KRTCAP3: variants seen among roughly 807,000 people sequenced by gnomAD.
KRTCAP3 encodes the protein keratinocyte associated protein 3, also known as keratinocyte-associated protein 3.
A neutral mutation model predicts 20.5 loss-of-function variants in KRTCAP3; 18 were observed. The ratio of observed to expected loss-of-function variants is 0.88; its 90% confidence interval spans 0.61 to 1.31. The LOEUF (loss-of-function observed/expected upper bound fraction) is 1.31. Among genes scored for constraint, KRTCAP3 ranks in the 50% most tolerant of loss-of-function variants. The pLI is 0.00. For missense variants in KRTCAP3, 347 were observed against 310.4 expected, an observed-to-expected ratio of 1.12 and a Z score of -0.89; for synonymous variants, 167 against 133.7, an observed-to-expected ratio of 1.25 and a Z score of -1.72.
chr2:27,443,168 A>G lies in KRTCAP3; in HGVS notation c.368A>G (p.Asn123Ser), dbSNP rs2148459989. 1 of 1,614,062 alleles carries G rather than the reference A, an allele frequency of 6.2e-7. No individual in the cohort carries two copies. Among genetic ancestry groups the G allele is most frequent in the African/African-American group, 1.3e-5 (1 of 75,020 alleles). Residue 123 changes from asparagine (N) to serine (S), a missense_variant, in exon 4 of 7, where the codon AAC (asparagine) becomes AGC (serine). Asn to Ser is a conservative substitution (Grantham distance 46, BLOSUM62 1). Transcript: ENST00000288873. ...CTTGCTGTGTCACTCACTGTGGCCA[A>G]CGGTGGCCGCCGCCTTATTGCTGAC... ...LLLAVSLTVANGGRRLIADCH... is the reference protein window; with the variant it reads ...LLLAVSLTVASGGRRLIADCH...
intron 5 of KRTCAP3, 107 bp downstream of exon 5, chr2:27,443,639 G>A (rs1664760044): frequency 1.6e-6 from 2 of 1,231,046 alleles, no homozygotes; most frequent in South Asian, 1.4e-5. Flanking sequence ...AGCACTTTGG[G>A]AGGCTGAGGC....
chr2:27,443,264 A>AC lies in KRTCAP3; in HGVS notation c.468dup (p.Thr157HisfsTer5). On this transcript the variant is annotated frameshift_variant, in exon 4 of 7. Coordinates refer to ENST00000288873, the MANE Select transcript of KRTCAP3 (RefSeq NM_173853.4). LOFTEE classifies it high-confidence loss of function. Reference sequence around the variant, plus strand: ...CCGGGACATACTGACTGCCCCTTTGACCCCACAAGAATCTATGTGAGCACA... The same window carrying AC: ...CCGGGACATACTGACTGCCCCTTTGACCCCCACAAGAATCTATGTGAGCACA... 1 of 1,613,972 alleles carries AC rather than the reference A, an allele frequency of 6.2e-7. No individual in the cohort carries two copies. The highest frequency in any genetic ancestry group is 8.5e-7 in the Non-Finnish European group (1 of 1,179,954).
downstream of KRTCAP3, chr2:27,446,364 A>G (rs745618994): frequency 1.9e-6 from 3 of 1,613,818 alleles, no homozygotes; most frequent in Non-Finnish European, 2.5e-6. Context: ...TCCTGGGATT[A>G]AAGTCAAAGC....
downstream of KRTCAP3, chr2:27,444,610 C>T (rs1664863371): frequency 2.1e-6 from 2 of 964,182 alleles, no homozygotes; most frequent in Non-Finnish European, 3.2e-6. Context: ...TCTGCATCTG[C>T]CTTCCTGTAA....
downstream of KRTCAP3, chr2:27,444,370 G>C: frequency 3.9e-6 from 4 of 1,017,814 alleles, no homozygotes; most frequent in Non-Finnish European, 6.1e-6. Context: ...GAATACAGTG[G>C]TCTCAATTAT....
chr2:27,446,283 A>C (rs764818890), downstream of KRTCAP3: 7 of 1,614,210 alleles, frequency 4.3e-6, no homozygotes, highest in South Asian at 7.7e-5. Context: ...CCTGCTTCAT[A>C]GAAGGCTTTG....
downstream of KRTCAP3, chr2:27,446,380 G>C: frequency 6.2e-7 from 1 of 1,605,442 alleles, no homozygotes; most frequent in Non-Finnish European, 8.5e-7. Flanking sequence ...AAAGCATTAT[G>C]AATATGGCAC....
chr2:27,442,598 G>A lies in KRTCAP3; in HGVS notation c.48G>A (p.Arg16=), dbSNP rs1161966353. The part of the protein sequence containing the change: ...LCAFDAARGP[R]RLMRVGLALI... ...TTGCAGACGCCGCCCGGGGGCCCAG[G>A]CGGCTGATGCGTGTGGGCCTCGCGC... Residue 16 remains arginine, a synonymous_variant, in exon 2 of 7, where the codon AGG becomes AGA. Coordinates refer to ENST00000288873, the MANE Select transcript of KRTCAP3 (RefSeq NM_173853.4). The A allele has an allele frequency of 2.6e-6, 4 of 1,541,672 alleles. No homozygotes were observed. The highest frequency in any genetic ancestry group is 1.7e-4 in the Middle Eastern group (1 of 5,766).
downstream of KRTCAP3, chr2:27,444,873 T>A: frequency 1.2e-6 from 1 of 867,046 alleles, no homozygotes; most frequent in Non-Finnish European, 1.7e-6. Flanking sequence ...GGTCTCAAAC[T>A]CCTGACCTCA....
chr2:27,446,130 C>G, downstream of KRTCAP3: 1 of 1,323,888 alleles, frequency 7.6e-7, no homozygotes, highest in South Asian at 1.2e-5. Flanking sequence ...TCCAGGAAGA[C>G]ATAGGAGGAC....
downstream of KRTCAP3, chr2:27,445,791 G>T (rs762958757): frequency 1.2e-6 from 2 of 1,614,160 alleles, no homozygotes; most frequent in South Asian, 2.2e-5. The surrounding 1 kb of genome is among the most constrained non-coding windows in gnomAD (Gnocchi z 4.4). Context: ...GGGAATGTCT[G>T]TATCCTGAAA....
chr2:27,444,317 G>A (rs62131871), downstream of KRTCAP3: 41,950 of 684,038 alleles, frequency 0.061, 1,897 homozygotes, highest in African/African-American at 0.19. Flanking sequence ...GATTCCTTTT[G>A]GGGAAAAGGC....
chr2:27,444,270 GT>G lies in KRTCAP3; in HGVS notation c.*91del. ...TGACCTCGGGATGAGATAACAAATT[GT>G]AATAAAGTAACTTCTCTTTTCTTCT... is the stretch of plus-strand genomic sequence containing the variant. On this transcript the variant is annotated 3_prime_UTR_variant, in exon 7 of 7. Coordinates refer to ENST00000288873, the MANE Select transcript of KRTCAP3 (RefSeq NM_173853.4). 2 of 649,710 alleles carry G rather than the reference GT, an allele frequency of 3.1e-6. No individual in the cohort carries two copies. Among genetic ancestry groups the G allele is most frequent in the Non-Finnish European group, 5.4e-6 (2 of 370,438 alleles). 40.2% of individuals were successfully genotyped at this position (649,710 alleles called of 1,614,324 possible).
rs933635743 is a variant in KRTCAP3, at chr2:27,442,568, G to A, written c.29-11G>A. On this transcript the variant is annotated splice_polypyrimidine_tract_variant and intron_variant, in intron 1 of 6. Transcript: ENST00000288873. ...GCCCGACTCAACCCTGCCCTCCCCC[G>A]TGCTTTGCAGACGCCGCCCGGGGGC... The A allele has an allele frequency of 2.0e-6, 3 of 1,522,014 alleles. No homozygotes were observed. The highest frequency in any genetic ancestry group is 1.3e-5 in the South Asian group (1 of 79,086). The allele number at this position is 1,522,014 out of a possible 1,614,324, so 94.3% of individuals were successfully genotyped here.
downstream of KRTCAP3, chr2:27,446,029 GGTTTGAAT>G (rs778607708): frequency 6.2e-7 from 1 of 1,609,976 alleles, no homozygotes; most frequent in East Asian, 2.2e-5. Context: ...GAACAAGCTG[GGTTTGAAT>G]GCTACTTCTC....
chr2:27,442,504 C>G, intron 1 of KRTCAP3, 64 bp downstream of exon 1: 1 of 1,539,236 alleles, frequency 6.5e-7, no homozygotes, highest in Non-Finnish European at 8.8e-7. Context: ...CGTCCTACTG[C>G]CCGCGGTTAA....
chr2:27,445,948 C>T (rs1665048771), downstream of KRTCAP3: 3 of 1,614,066 alleles, frequency 1.9e-6, no homozygotes, highest in Middle Eastern at 1.6e-4. This position sits in a 1 kb window ranked among gnomAD's most constrained non-coding sequence, Gnocchi z 4.4. Context: ...GTCCAAAAAG[C>T]GATTGAGGAA....
Position 27,444,082 on chromosome 2 carries a change from T to A in KRTCAP3, c.*5+21T>A, listed in dbSNP as rs911685067. ...GACAGGTAATGGGCCTTGAAGGTGG[T>A]GGCCCGGGTAAGAGCGGGGACAAGG... On this transcript the variant is annotated intron_variant, in intron 6 of 6. Transcript: ENST00000288873. The A allele has an allele frequency of 5.7e-6, 8 of 1,399,100 alleles. No individual in the cohort carries two copies. The Admixed American group carries it at 1.3e-4, about 24-fold the overall frequency. 86.7% of individuals were successfully genotyped at this position (1,399,100 alleles called of 1,614,324 possible). A position where few individuals can be genotyped will look rare whatever the true frequency, so the allele number is the denominator to read the frequency against.
chr2:27,445,058 C>T (rs375081229), downstream of KRTCAP3: 3 of 1,613,996 alleles, frequency 1.9e-6, no homozygotes, highest in Non-Finnish European at 2.5e-6. This position sits in a 1 kb window ranked among gnomAD's most constrained non-coding sequence, Gnocchi z 4.4. Context: ...TTGTTAGCAG[C>T]CTTCCCTGGC....
Sources: gnomAD v4.1 joint callset for allele counts on GRCh38, gnomAD v4.1.1 for gene constraint, Gnocchi (gnomAD v3.1) non-coding constraint, MANE v1.5 for transcripts, NCBI Gene and HGNC (gene_info 2026-07-23, HGNC 2026-07-21) for gene names.